ADAMTS20: variants seen among roughly 807,000 people sequenced by gnomAD.
ADAMTS20 encodes ADAM metallopeptidase with thrombospondin type 1 motif 20, also known as A disintegrin and metalloproteinase with thrombospondin motifs 20.
A neutral mutation model predicts 260.1 loss-of-function variants in ADAMTS20; 225 were observed. That is an observed-to-expected ratio of 0.87 (90% CI 0.78 to 0.97). The LOEUF (loss-of-function observed/expected upper bound fraction) is 0.97, where lower values mean the gene tolerates loss of function less well. ADAMTS20 is among the 50% of genes least tolerant of loss of function. The probability of loss-of-function intolerance (pLI) is 0.00; values close to 1 mark genes in which losing one functional copy is unlikely to be tolerated. For synonymous variants in ADAMTS20, 802 were observed against 769.5 expected (o/e 1.04, Z -0.70); for missense variants, 2,400 against 2,337.7 (o/e 1.03, Z -0.55).
At chr12:43,452,801 C>T (rs1041303851) in intron 12 of ADAMTS20, 106 bp from the exon 13 acceptor site, 1 of 1,014,126 alleles carries the variant, frequency 9.9e-7, no homozygotes, top group Non-Finnish European at 1.4e-6. Flanking sequence ...CAGTGAAGTC[C>T]CACTAACACT....
chr12:43,386,250 G>A (rs1436040455), intron 29 of ADAMTS20, among the ~76,000 whole-genome samples: 1 of 152,076 alleles, frequency 6.6e-6, no homozygotes, highest in East Asian at 1.9e-4. Flanking sequence ...ACGAAGCTTA[G>A]TTTGGCTGGA....
intron 37 of ADAMTS20, among the ~76,000 whole-genome samples, chr12:43,359,494 G>A (rs1939822654): frequency 1.3e-5 from 2 of 152,090 alleles, no homozygotes; most frequent in African/African-American, 4.8e-5. Flanking sequence ...TGTACATACG[G>A]AGAGTTGATT....
At chr12:43,455,798 T>G (rs1191469807) in intron 11 of ADAMTS20, among the ~76,000 whole-genome samples, 1 of 151,174 alleles carries the variant, frequency 6.6e-6, no homozygotes, top group African/African-American at 2.4e-5. Context: ...AACCTCCGCC[T>G]CCCACATTCA....
intron 9 of ADAMTS20, among the ~76,000 whole-genome samples, chr12:43,465,251 G>A (rs1313003243): frequency 1.3e-5 from 2 of 152,082 alleles, no homozygotes; most frequent in Non-Finnish European, 2.9e-5. Flanking sequence ...GTATAGCAGA[G>A]TCAAGATCAC....
rs185686793 is a variant in ADAMTS20, at chr12:43,493,327, C to G, written c.868-74G>C. ...TCTCAAAAGTAAGTTGAAATAGTCACAGAGTATCAATTCTCTAATTGCACT... is the reference window on the plus strand; with the variant it reads ...TCTCAAAAGTAAGTTGAAATAGTCAGAGAGTATCAATTCTCTAATTGCACT... On this transcript the variant is annotated intron_variant, in intron 4 of 38. Coordinates refer to ENST00000389420, the MANE Select transcript of ADAMTS20 (RefSeq NM_025003.5). The G allele has an allele frequency of 9.2e-6, 10 of 1,082,948 alleles. No homozygotes were observed. In the East Asian group the frequency reaches 2.6e-4, roughly 28 times the overall value. 67.1% of individuals were successfully genotyped at this position (1,082,948 alleles called of 1,614,324 possible).
At chr12:43,469,323 G>C (rs371788935) in intron 7 of ADAMTS20, among the ~76,000 whole-genome samples, 1 of 152,060 alleles carries the variant, frequency 6.6e-6, no homozygotes, top group Non-Finnish European at 1.5e-5. Flanking sequence ...TGCAAATCAG[G>C]ATATATTTAG....
At position 43,508,193 on chromosome 12, in the gene ADAMTS20, G is replaced by A. The variant is rs149086667; in HGVS notation, c.614-5788C>T. Reference sequence around the variant, plus strand: ...GAAAGAAACAGTTTCTGTCTGAAATGAGAACACTGAAGGAGATGATAATTA... The same window carrying A: ...GAAAGAAACAGTTTCTGTCTGAAATAAGAACACTGAAGGAGATGATAATTA... On this transcript the variant is annotated intron_variant, in intron 3 of 38. Coordinates refer to ENST00000389420, the MANE Select transcript of ADAMTS20 (RefSeq NM_025003.5). Among the ~76,000 whole-genome samples, 95 of 152,166 alleles carry A rather than the reference G, an allele frequency of 6.2e-4. 1 individual carries two copies. In the East Asian group the frequency reaches 0.016, roughly 26 times the overall value.
downstream of ADAMTS20, among the ~76,000 whole-genome samples, chr12:43,353,122 G>A (rs969188110): frequency 6.6e-6 from 1 of 151,394 alleles, no homozygotes; most frequent in African/African-American, 2.4e-5. Flanking sequence ...TTGTCTACAT[G>A]TCTTTCAAAA....
intron 3 of ADAMTS20, among the ~76,000 whole-genome samples, chr12:43,519,886 C>G (rs561948851): frequency 3.9e-5 from 6 of 152,194 alleles, no homozygotes; most frequent in African/African-American, 1.2e-4. Context: ...CTACCTGCAG[C>G]CTCTCCACCT....
chr12:43,443,271 GTTTATAC>G (rs1206306425), intron 16 of ADAMTS20, among the ~76,000 whole-genome samples: 17 of 152,190 alleles, frequency 1.1e-4, no homozygotes, highest in Middle Eastern at 3.4e-3. Flanking sequence ...CATAAATTAA[GTTTATAC>G]TTTAGAAATA....
chr12:43,462,849 C>T (rs773542162), intron 11 of ADAMTS20, 46 bp downstream of exon 11: 85 of 1,482,682 alleles, frequency 5.7e-5, no homozygotes, highest in Non-Finnish European at 7.5e-5. Context: ...CAATCACATC[C>T]TTGGATAATA....
chr12:43,514,560 C>CAAAAAAAAA (rs58435633), intron 3 of ADAMTS20, among the ~76,000 whole-genome samples: 5 of 63,696 alleles, frequency 7.8e-5, no homozygotes, highest in Non-Finnish European at 1.2e-4. Context: ...GACTCTATCT[C>CAAAAAAAAA]AAAAAAAAAA....
chr12:43,388,716 G>A (rs1211638206), intron 29 of ADAMTS20, among the ~76,000 whole-genome samples: 2 of 152,200 alleles, frequency 1.3e-5, no homozygotes, highest in Non-Finnish European at 2.9e-5. Context: ...TCCCTTGCCT[G>A]AGGTGCTGCC....
At chr12:43,549,791 G>T (rs1943488512) in intron 2 of ADAMTS20, among the ~76,000 whole-genome samples, 1 of 152,082 alleles carries the variant, frequency 6.6e-6, no homozygotes. Context: ...AACAACTCAA[G>T]ATAATCACTT....
rs1263275933 is a variant in ADAMTS20 at position 43,369,289 on chromosome 12, C to T, written c.5538+1G>A. 2.7e-6 allele frequency: 4 copies of T among 1,499,864 alleles called. No individual in the cohort carries two copies. Among genetic ancestry groups the T allele is most frequent in the Non-Finnish European group, 3.6e-6 (4 of 1,124,576 alleles). The allele number at this position is 1,499,864 out of a possible 1,614,324, so 92.9% of individuals were successfully genotyped here. On this transcript the variant is annotated splice_donor_variant, in intron 37 of 38. Coordinates refer to ENST00000389420, the MANE Select transcript of ADAMTS20 (RefSeq NM_025003.5). LOFTEE classifies it high-confidence loss of function. ...AAATTAATCAAACAAATATGAAATACCTGTGGGCATCTGAAAGCACTGTAG... is the reference window on the plus strand; with the variant it reads ...AAATTAATCAAACAAATATGAAATATCTGTGGGCATCTGAAAGCACTGTAG...
chr12:43,373,667 TCTC>T (rs1592032219), intron 36 of ADAMTS20, among the ~76,000 whole-genome samples: 2 of 134,312 alleles, frequency 1.5e-5, no homozygotes, highest in East Asian at 2.4e-4. Context: ...AGAAATATCA[TCTC>T]TTTTTTTTTT....
At chr12:43,521,366 T>C (rs994066218) in intron 3 of ADAMTS20, among the ~76,000 whole-genome samples, 9 of 152,228 alleles carry the variant, frequency 5.9e-5, no homozygotes, top group Admixed American at 2.6e-4. Flanking sequence ...TACATAATTT[T>C]ATTTAAAAGG....
intron 22 of ADAMTS20, 43 bp downstream of exon 22, chr12:43,431,289 G>A (rs757245205): frequency 9.4e-6 from 15 of 1,593,348 alleles, no homozygotes; most frequent in Admixed American, 7.0e-5. Context: ...GTGCTATTCT[G>A]TAAAGATAGA....
Position 43,375,455 on chromosome 12 carries a change from A to G in ADAMTS20, c.5370T>C (p.Cys1790=), listed in dbSNP as rs1428443527. The G allele has an allele frequency of 6.2e-7, 1 of 1,613,324 alleles. No individual in the cohort carries two copies. Among genetic ancestry groups the G allele is most frequent in the Admixed American group, 1.7e-5 (1 of 59,996 alleles). ...ATCCAGCAGCTAAGTGTCCATTGTCACATTCACAGTCTTCCCTTCTACTCC... is the reference window on the plus strand; with the variant it reads ...ATCCAGCAGCTAAGTGTCCATTGTCGCATTCACAGTCTTCCCTTCTACTCC... ...FNGSRREDCE[C]DNGHLAAGYT... Residue 1790 remains cysteine (C), a synonymous_variant, in exon 36 of 39, where the codon TGT becomes TGC. Coordinates refer to ENST00000389420, the MANE Select transcript of ADAMTS20 (RefSeq NM_025003.5).
Sources: allele counts gnomAD v4.1 joint callset (sites outside exome capture counted in the v4.1 genomes callset), GRCh38; gene constraint gnomAD v4.1.1; transcripts MANE v1.5; gene names NCBI Gene and HGNC (gene_info 2026-07-23, HGNC 2026-07-21).